MAP1LC3B: variants seen among roughly 807,000 people sequenced by gnomAD.
MAP1LC3B encodes microtubule associated protein 1 light chain 3 beta, also known as microtubule-associated protein 1 light chain 3 beta.
MAP1LC3B carries 12 observed loss-of-function variants against 16.7 expected under a neutral mutation model. The observed-to-expected ratio is 0.72, with a 90% CI of 0.46 to 1.16. The LOEUF (loss-of-function observed/expected upper bound fraction) is 1.16. MAP1LC3B is among the 50% of genes most tolerant of loss of function. The pLI is 0.00. For synonymous variants in MAP1LC3B, 63 were observed against 56.5 expected (o/e 1.11, Z -0.51); for missense variants, 155 against 159.5 (o/e 0.97, Z 0.15).
chr16:87,392,578 G>C (rs911835040), intron 1 of MAP1LC3B, 111 bp downstream of exon 1: 5 of 1,056,098 alleles, frequency 4.7e-6, no homozygotes, highest in Non-Finnish European at 5.9e-6. Flanking sequence ...GAGGCCGAGC[G>C]GGGCCGGTGG....
At chr16:87,402,498 C>T (rs897991656) in intron 3 of MAP1LC3B, 5 of 570,296 alleles carry the variant, frequency 8.8e-6, no homozygotes, top group Middle Eastern at 4.6e-4. Context: ...CTGCAGAGCC[C>T]GTTTCTTTCA....
intron 2 of MAP1LC3B, 71 bp from the exon 3 acceptor site, chr16:87,402,104 G>A (rs952225567): frequency 3.0e-5 from 45 of 1,496,372 alleles, no homozygotes; most frequent in Non-Finnish European, 3.5e-5. Flanking sequence ...CAAAATGCTG[G>A]GGTTACAGGT....
chr16:87,395,285 TG>T (rs1231474702), intron 1 of MAP1LC3B, among the ~76,000 whole-genome samples: 4 of 152,208 alleles, frequency 2.6e-5, no homozygotes, highest in Non-Finnish European at 5.9e-5. Flanking sequence ...TTGCTGTGCA[TG>T]TGGAGCCGTG....
chr16:87,401,228 C>T (rs1398461610), intron 2 of MAP1LC3B, among the ~76,000 whole-genome samples: 1 of 151,644 alleles, frequency 6.6e-6, no homozygotes, highest in Non-Finnish European at 1.5e-5. Context: ...GAAGCTGGTT[C>T]CCAGCCTCTC....
intron 2 of MAP1LC3B, chr16:87,400,131 C>CGTGTGTGTGTGT (rs34644441): frequency 1.5e-5 from 2 of 136,940 alleles, no homozygotes; most frequent in South Asian, 2.3e-4. Flanking sequence ...AGTTCAAATA[C>CGTGTGTGTGTGT]GTGTGTGTGT....
In MAP1LC3B at chr16:87,404,198, A is replaced by C. The variant is rs1029316134; in HGVS notation, c.*1101A>C. On this transcript the variant is annotated 3_prime_UTR_variant, in exon 4 of 4. Transcript: ENST00000268607. ...GAGCCGTACGCTCTTTACAGATACT[A>C]ATGTCAAGAGTTAAACCTCCTCAGG... 9 of 152,198 alleles carry C rather than the reference A, an allele frequency of 5.9e-5. No homozygotes were observed. The highest frequency in any genetic ancestry group is 2.2e-4 in the African/African-American group (9 of 41,450). 9.4% of individuals were successfully genotyped at this position (152,198 alleles called of 1,614,324 possible). A position where few individuals can be genotyped will look rare whatever the true frequency, so the allele number is the denominator to read the frequency against.
rs1298120918 is a variant in MAP1LC3B at position 87,392,459 on chromosome 16, G to A, written c.32G>A (p.Arg11His). The A allele has an allele frequency of 2.9e-6, 4 of 1,366,672 alleles. No individual in the cohort carries two copies. The highest frequency in any genetic ancestry group is 3.9e-5 in the Admixed American group (1 of 25,396). 84.7% of individuals were successfully genotyped at this position (1,366,672 alleles called of 1,614,324 possible). A position where few individuals can be genotyped will look rare whatever the true frequency, so the allele number is the denominator to read the frequency against. ...TCGGAGAAGACCTTCAAGCAGCGCC[G>A]CACCTTCGGTGAGTGTCGCCGCGAG... The part of the protein sequence containing the change: MPSEKTFKQR[R>H]TFEQRVEDVR... Residue 11 changes from arginine (R) to histidine (H), a missense_variant, in exon 1 of 4, where the codon CGC becomes CAC. Transcript: ENST00000268607.
intron 2 of MAP1LC3B, chr16:87,399,344 C>G (rs1194137997): frequency 3.7e-6 from 1 of 268,700 alleles, no homozygotes; most frequent in African/African-American, 2.3e-5. Context: ...CCTCTAATTT[C>G]TGCTACCACT....
intron 2 of MAP1LC3B, chr16:87,399,490 A>G (rs1907912352): frequency 5.1e-6 from 2 of 395,742 alleles, no homozygotes; most frequent in Admixed American, 6.2e-5. Flanking sequence ...ACAGAACCCT[A>G]TGTAGGTCTC....
rs539989627 is a variant in MAP1LC3B at position 87,404,065 on chromosome 16, T to C, written c.*968T>C. 6.6e-6 allele frequency: 1 copy of C among 152,308 alleles called. No individual in the cohort carries two copies. Among genetic ancestry groups the C allele is most frequent in the South Asian group, 2.1e-4 (1 of 4,832 alleles). 9.4% of individuals were successfully genotyped at this position (152,308 alleles called of 1,614,324 possible). A position where few individuals can be genotyped will look rare whatever the true frequency, so the allele number is the denominator to read the frequency against. On this transcript the variant is annotated 3_prime_UTR_variant, in exon 4 of 4. Coordinates refer to ENST00000268607, the MANE Select transcript of MAP1LC3B (RefSeq NM_022818.5). ...TGTTAAATGTGTAACTCAGTATTAC[T>C]GAAAAGGTACCCACATTTTGAATAG...
rs1908087180 is a variant in MAP1LC3B at position 87,404,008 on chromosome 16, G to T, written c.*911G>T. 1 of 152,124 alleles carries T rather than the reference G, an allele frequency of 6.6e-6. No individual in the cohort carries two copies. Among genetic ancestry groups the T allele is most frequent in the African/African-American group, 2.4e-5 (1 of 41,408 alleles). 9.4% of individuals were successfully genotyped at this position (152,124 alleles called of 1,614,324 possible). A position where few individuals can be genotyped will look rare whatever the true frequency, so the allele number is the denominator to read the frequency against. On this transcript the variant is annotated 3_prime_UTR_variant, in exon 4 of 4. Coordinates refer to ENST00000268607, the MANE Select transcript of MAP1LC3B (RefSeq NM_022818.5). ...ACTCCCTTCTGCCTTCCGGCTTAAAGCTGTGGATGATCCACGTTTTTGTTT... is the reference window on the plus strand; with the variant it reads ...ACTCCCTTCTGCCTTCCGGCTTAAATCTGTGGATGATCCACGTTTTTGTTT...
intron 3 of MAP1LC3B, 93 bp downstream of exon 3, chr16:87,402,374 A>C: frequency 8.4e-7 from 1 of 1,192,110 alleles, no homozygotes; most frequent in Non-Finnish European, 1.2e-6. Context: ...TCTGGTTAAA[A>C]TCTTTAAAAA....
At chr16:87,399,121 C>T (rs1289075921) in intron 2 of MAP1LC3B, 1 of 496,120 alleles carries the variant, frequency 2.0e-6, no homozygotes, top group Non-Finnish European at 3.7e-6. Context: ...GTCCTCCCTC[C>T]TCAGCCTCCT....
At chr16:87,400,104 A>C (rs867432722) in intron 2 of MAP1LC3B, 2 of 156,162 alleles carry the variant, frequency 1.3e-5, no homozygotes, top group Admixed American at 6.1e-5. Flanking sequence ...ATATGAAACT[A>C]TATGTGTTCC....
chr16:87,392,971 C>T (rs1448863399), intron 1 of MAP1LC3B: 1 of 152,308 alleles, frequency 6.6e-6, no homozygotes, highest in African/African-American at 2.4e-5. Flanking sequence ...TCGAGGGAGC[C>T]CGCCCGGGTG....
At position 87,392,380 on chromosome 16, in the gene MAP1LC3B, C is replaced by T; in HGVS notation, c.-48C>T. The T allele has an allele frequency of 3.6e-6, 5 of 1,403,208 alleles. No homozygotes were observed. The highest frequency in any genetic ancestry group is 1.5e-5 in the South Asian group (1 of 67,088). 86.9% of individuals were successfully genotyped at this position (1,403,208 alleles called of 1,614,324 possible). A position where few individuals can be genotyped will look rare whatever the true frequency, so the allele number is the denominator to read the frequency against. ...CAGCAGCCGCCGCCCCCGGGAGCCG[C>T]CGGGACCCTCGCGTCGTCGCCGCCG... On this transcript the variant is annotated 5_prime_UTR_variant, in exon 1 of 4. Transcript: ENST00000268607.
chr16:87,392,929 C>G, intron 1 of MAP1LC3B: 1 of 152,244 alleles, frequency 6.6e-6, no homozygotes, highest in East Asian at 1.9e-4. Context: ...GCGCCGGGAC[C>G]CAGCGCGTCA....
Position 87,400,059 on chromosome 16 carries a change from A to C in MAP1LC3B, c.96+1189A>C, listed in dbSNP as rs192841616. 865 of 161,246 alleles carry C rather than the reference A, an allele frequency of 5.4e-3. 7 individuals carry two copies. The highest frequency in any genetic ancestry group is 0.018 in the African/African-American group (753 of 41,406). The allele number at this position is 161,246 out of a possible 1,614,324, so 10.0% of individuals were successfully genotyped here. Reference sequence around the variant, plus strand: ...AGTGCTGGGATTACAGGCGTGAGTCACCACGCCGGCCTGATGGCTTTATTT... The same window carrying C: ...AGTGCTGGGATTACAGGCGTGAGTCCCCACGCCGGCCTGATGGCTTTATTT... On this transcript the variant is annotated intron_variant, in intron 2 of 3. Transcript: ENST00000268607.
rs1232984250 is a variant in MAP1LC3B at position 87,403,264 on chromosome 16, C to G, written c.*167C>G. The G allele has an allele frequency of 1.1e-4, 63 of 598,748 alleles. No homozygotes were observed. The highest frequency in any genetic ancestry group is 1.8e-4 in the Admixed American group (5 of 28,142). 37.1% of individuals were successfully genotyped at this position (598,748 alleles called of 1,614,324 possible). ...TGTGTTTGTGTTTCAAGCAGAAAAA[C>G]TGAGCTCCAAGTGAGCACATTCAGC... On this transcript the variant is annotated 3_prime_UTR_variant, in exon 4 of 4. Transcript: ENST00000268607.
Sources: gnomAD v4.1 joint callset for allele counts (sites outside exome capture counted in the v4.1 genomes callset) on GRCh38, gnomAD v4.1.1 for gene constraint, MANE v1.5 for transcripts, NCBI Gene and HGNC (gene_info 2026-07-23, HGNC 2026-07-21) for gene names.